Variants in MCTP1 observed in about 807,000 individuals in gnomAD.
MCTP1 encodes multiple C2 and transmembrane domain-containing protein 1.
In MCTP1, 69 loss-of-function variants were observed where a neutral mutation model predicts 120.6. The ratio of observed to expected loss-of-function variants is 0.57; its 90% CI spans 0.47 to 0.70. The LOEUF (loss-of-function observed/expected upper bound fraction) is 0.70, where lower values mean the gene tolerates loss of function less well. MCTP1 is among the 30% of genes least tolerant of loss of function. The pLI, the probability that MCTP1 is intolerant of heterozygous loss-of-function variation, is 0.00. For missense variants in MCTP1, 1,203 were observed against 1,248.8 expected (o/e 0.96, Z 0.55); for synonymous variants, 529 against 493.1 (o/e 1.07, Z -0.96).
intron 1 of MCTP1, among the ~76,000 whole-genome samples, chr5:95,214,400 C>T (rs1163277761): frequency 1.3e-5 from 2 of 151,954 alleles, no homozygotes; most frequent in Admixed American, 1.3e-4. Flanking sequence ...AATAGGAACA[C>T]TTTTACACTG....
At position 94,868,421 on chromosome 5, in the gene MCTP1, C is replaced by T. The variant is rs780954519; in HGVS notation, c.2348G>A (p.Arg783His). Residue 783 changes from arginine (R) to histidine (H), a missense_variant, in exon 17 of 23, where the codon CGT (arginine) becomes CAT (histidine). This residue lies in a region of MCTP1 where 740 missense variants were observed against 871.1 expected (regional missense o/e 0.85). Transcript: ENST00000515393. ...LLLRNFIRMK[R>H]CVMVLVNAAY... ...AGCATTTACCAGCACCATGACACAA[C>T]GTTTCATTCTGATAAAGTTTCTTAG... 5.6e-6 allele frequency: 9 copies of T among 1,602,632 alleles called. No homozygotes were observed. Among genetic ancestry groups the T allele is most frequent in the East Asian group, 2.3e-5 (1 of 44,418 alleles).
chr5:94,712,924 C>T (rs979378672), intron 20 of MCTP1, among the ~76,000 whole-genome samples: 10 of 152,012 alleles, frequency 6.6e-5, no homozygotes, highest in Admixed American at 4.6e-4. Context: ...CCTGTGTTCT[C>T]CTTACTCCTA....
chr5:94,933,190 T>A (rs1238528560), intron 5 of MCTP1, among the ~76,000 whole-genome samples: 1 of 148,256 alleles, frequency 6.7e-6, no homozygotes, highest in African/African-American at 2.5e-5. Flanking sequence ...TCACGCCTAC[T>A]TTTTTTTTTA....
At chr5:95,141,729 A>T (rs978507517) in intron 1 of MCTP1, among the ~76,000 whole-genome samples, 1 of 150,232 alleles carries the variant, frequency 6.7e-6, no homozygotes, top group African/African-American at 2.5e-5. Flanking sequence ...CCTTTCTTCT[A>T]TCCTACTTTT....
rs1807831164 is a variant in MCTP1 at position 94,909,381 on chromosome 5, T to A, written c.1522A>T (p.Ile508Phe). The part of the protein sequence containing the change: ...RLGHQKYKSK[I>F]MPKTLNPQWR... ...TGAGGATTCAACGTTTTTGGCATAA[T>A]CTGGAAAAAAAAATCATAATTGTCA... Residue 508 changes from isoleucine (I) to phenylalanine (F), a missense_variant and splice_region_variant, in exon 10 of 23, where the codon ATT (isoleucine) becomes TTT (phenylalanine). Physicochemically the swap from Ile to Phe is conservative, Grantham distance 21. Around this residue, in one of 2 missense-constraint regions of MCTP1, gnomAD observed 740 missense variants for 871.1 expected, o/e 0.85. Coordinates refer to ENST00000515393, the MANE Select transcript of MCTP1 (RefSeq NM_024717.7). The A allele has an allele frequency of 6.4e-7, 1 of 1,569,164 alleles. No individual in the cohort carries two copies. Among genetic ancestry groups the A allele is most frequent in the Admixed American group, 2.1e-5 (1 of 47,034 alleles).
intron 1 of MCTP1, among the ~76,000 whole-genome samples, chr5:95,020,730 T>C (rs1020673766): frequency 6.6e-6 from 1 of 152,164 alleles, no homozygotes; most frequent in African/African-American, 2.4e-5. Context: ...ATTTTTAAGT[T>C]TTATGTATCT....
chr5:94,851,439 C>A (rs1793674821), intron 17 of MCTP1, among the ~76,000 whole-genome samples: 1 of 151,940 alleles, frequency 6.6e-6, no homozygotes, highest in Non-Finnish European at 1.5e-5. Context: ...ATCACACTGG[C>A]AACATTTTTA....
At chr5:95,228,735 C>T (rs79581371) in intron 1 of MCTP1, among the ~76,000 whole-genome samples, 6 of 152,210 alleles carry the variant, frequency 3.9e-5, no homozygotes, top group Non-Finnish European at 5.9e-5. Context: ...TCCTTGGTAC[C>T]GTCGTCCCGA....
rs1837339116 is a variant in MCTP1 at position 95,017,463 on chromosome 5, T to C, written c.742A>G (p.Thr248Ala). Residue 248 changes from threonine to alanine, a missense_variant, in exon 2 of 23, where the codon ACC (threonine) becomes GCC (alanine). Thr to Ala is a moderately conservative substitution (Grantham distance 58). Transcript: ENST00000515393. ...SSQKIINTAGTSNAEVPLADP... is the reference protein window; with the variant it reads ...SSQKIINTAGASNAEVPLADP... ...GCCAAGGGGACTTCTGCATTACTGG[T>C]TCCAGCAGTGTTTATTATTTTCTGG... 1 of 1,602,620 alleles carries C rather than the reference T, an allele frequency of 6.2e-7. No homozygotes were observed.
At chr5:95,024,770 C>T (rs1838916840) in intron 1 of MCTP1, among the ~76,000 whole-genome samples, 1 of 151,882 alleles carries the variant, frequency 6.6e-6, no homozygotes, top group Non-Finnish European at 1.5e-5. Context: ...AGTGGTATTT[C>T]CATATGCCAA....
At chr5:95,165,171 A>G (rs1165751168) in intron 1 of MCTP1, among the ~76,000 whole-genome samples, 1 of 152,212 alleles carries the variant, frequency 6.6e-6, no homozygotes, top group Non-Finnish European at 1.5e-5. Context: ...AAGATGAATA[A>G]CATTTTGGTG....
At chr5:95,094,812 T>A (rs1049439799) in intron 1 of MCTP1, among the ~76,000 whole-genome samples, 1 of 152,060 alleles carries the variant, frequency 6.6e-6, no homozygotes, top group Non-Finnish European at 1.5e-5. Flanking sequence ...CTATTATAAT[T>A]TCTGAGAATT....
intron 7 of MCTP1, among the ~76,000 whole-genome samples, chr5:94,920,913 C>T (rs17421253): frequency 0.2 from 30,925 of 151,908 alleles, 3,751 homozygotes; most frequent in South Asian, 0.32. Context: ...TATGTACTCT[C>T]CTTTGCCCAT....
intron 1 of MCTP1, among the ~76,000 whole-genome samples, chr5:95,022,297 C>G (rs1396052861): frequency 6.6e-6 from 1 of 152,182 alleles, no homozygotes; most frequent in African/African-American, 2.4e-5. Context: ...TTCTCTTCCA[C>G]AAATTCTGGA....
intron 1 of MCTP1, among the ~76,000 whole-genome samples, chr5:95,133,156 C>T (rs1324560642): frequency 1.3e-5 from 2 of 152,116 alleles, no homozygotes; most frequent in African/African-American, 4.8e-5. Flanking sequence ...AAAAAATGCC[C>T]ATTAGAAAAA....
At chr5:95,248,240 T>C (rs143976111) in intron 1 of MCTP1, among the ~76,000 whole-genome samples, 4 of 152,264 alleles carry the variant, frequency 2.6e-5, no homozygotes, top group African/African-American at 9.6e-5. Flanking sequence ...ATTGTCTCTG[T>C]TTGCAGATGA....
At chr5:94,868,204 C>T in intron 17 of MCTP1, 129 bp downstream of exon 17, 1 of 851,472 alleles carries the variant, frequency 1.2e-6, no homozygotes, top group Non-Finnish European at 1.6e-6. Context: ...CAAATCTGTC[C>T]AGTCAAGTCT....
chr5:95,271,813 GATA>G lies in MCTP1; in HGVS notation c.720+12040_720+12042del, dbSNP rs756524190. Among the ~76,000 whole-genome samples the G allele has an allele frequency of 2.1e-3, 326 of 151,958 alleles. 2 individuals carry two copies. The highest frequency in any genetic ancestry group is 0.015 in the South Asian group (74 of 4,822). On this transcript the variant is annotated intron_variant, in intron 1 of 22. Coordinates refer to ENST00000515393, the MANE Select transcript of MCTP1 (RefSeq NM_024717.7). Reference sequence around the variant, plus strand: ...ATATAGCTATATAGATAGATAGATAGATATAAAATATTTTAAATTCAAAGTAAG... The same window carrying G: ...ATATAGCTATATAGATAGATAGATAGTAAAATATTTTAAATTCAAAGTAAG...
At chr5:94,777,184 A>G (rs1775555064) in intron 19 of MCTP1, among the ~76,000 whole-genome samples, 1 of 152,208 alleles carries the variant, frequency 6.6e-6, no homozygotes, top group Non-Finnish European at 1.5e-5. Flanking sequence ...TTGAATTCAC[A>G]CTGCAATTTA....
Sources: allele counts gnomAD v4.1 joint callset (sites outside exome capture counted in the v4.1 genomes callset), GRCh38; gene constraint gnomAD v4.1.1; regional missense constraint gnomAD v4.1.1; transcripts MANE v1.5; gene names NCBI Gene and HGNC (gene_info 2026-07-23, HGNC 2026-07-21).